Variants in LINGO2 observed in about 807,000 individuals in gnomAD.
LINGO2 encodes leucine rich repeat and Ig domain containing 2.
In LINGO2, 14 loss-of-function variants were observed where a neutral mutation model predicts 30.6. The observed-to-expected ratio is 0.46, with a 90% CI of 0.30 to 0.72. LINGO2 has a LOEUF of 0.72. Among genes scored for constraint, LINGO2 ranks in the 30% least tolerant of loss-of-function variants. The pLI, the probability that LINGO2 is intolerant of heterozygous loss-of-function variation, is 0.07. For missense variants in LINGO2, 729 were observed against 751.7 expected, an observed-to-expected ratio of 0.97 and a Z score of 0.35; for synonymous variants, 317 against 288.5, an observed-to-expected ratio of 1.10 and a Z score of -1.00.
At chr9:28,887,126 A>C in the LINGO2 span, among the ~76,000 whole-genome samples, 1 of 152,162 alleles carries the variant, frequency 6.6e-6, no homozygotes, top group Non-Finnish European at 1.5e-5. Flanking sequence ...AATGATGAAC[A>C]AAGAGCTATA....
At chr9:28,086,462 C>T (rs12551349) in intron 4 of LINGO2, among the ~76,000 whole-genome samples, 5 of 151,902 alleles carry the variant, frequency 3.3e-5, no homozygotes, top group Non-Finnish European at 7.4e-5. Context: ...CTGCAATAAG[C>T]TTTCCTCATT....
chr9:27,955,016 C>T (rs1286508929), intron 5 of LINGO2, among the ~76,000 whole-genome samples: 2 of 152,032 alleles, frequency 1.3e-5, no homozygotes, highest in Admixed American at 6.6e-5. Context: ...GTTGAGCATG[C>T]ATTTTGTTTT....
the LINGO2 span, among the ~76,000 whole-genome samples, chr9:28,716,856 C>T: frequency 1.3e-5 from 2 of 152,016 alleles, no homozygotes; most frequent in African/African-American, 4.8e-5. Flanking sequence ...TTTAAGCCAG[C>T]TATCATAAAT....
At chr9:28,236,422 C>T (rs888293991) in intron 4 of LINGO2, among the ~76,000 whole-genome samples, 6 of 152,170 alleles carry the variant, frequency 3.9e-5, no homozygotes, top group Admixed American at 1.3e-4. Context: ...CAAAGAAAAA[C>T]GCGGAATAGT....
chr9:28,847,839 T>C, the LINGO2 span, among the ~76,000 whole-genome samples: 11 of 114,992 alleles, frequency 9.6e-5, 3 homozygotes, highest in Non-Finnish European at 1.9e-4. Flanking sequence ...GTATAGTATA[T>C]ATACACATAT....
intron 4 of LINGO2, among the ~76,000 whole-genome samples, chr9:28,038,510 G>T (rs372909731): frequency 6.6e-6 from 1 of 152,020 alleles, no homozygotes; most frequent in Non-Finnish European, 1.5e-5. Flanking sequence ...CGGCTAAAAC[G>T]GTGAAACCCA....
rs552399486 is a variant in LINGO2, at chr9:28,227,639, A to G, written c.-87+67569T>C. Among the ~76,000 whole-genome samples, 875 of 152,210 alleles carry G rather than the reference A, an allele frequency of 5.7e-3. 16 individuals are homozygous for G. Among genetic ancestry groups the G allele is most frequent in the African/African-American group, 0.02 (830 of 41,566 alleles). On this transcript the variant is annotated intron_variant, in intron 4 of 5. Transcript: ENST00000379992. The stretch of plus-strand genomic sequence containing the variant: ...CACTTGAAACTCAGCAATTAAAAAA[A>G]AAAAGTATAAAATGACTCCTAAAAG...
chr9:28,861,088 A>G, the LINGO2 span, among the ~76,000 whole-genome samples: 2 of 123,162 alleles, frequency 1.6e-5, no homozygotes, highest in Non-Finnish European at 3.2e-5. Context: ...TATATAATAT[A>G]AATTATATAA....
intron 1 of LINGO2, among the ~76,000 whole-genome samples, chr9:28,557,997 G>T (rs1446857991): frequency 6.5e-5 from 8 of 122,512 alleles, no homozygotes; most frequent in Non-Finnish European, 1.3e-4. Flanking sequence ...GGACTGTGGT[G>T]GGGTGGGGGG....
chr9:28,342,997 T>C (rs1405281822), intron 3 of LINGO2, among the ~76,000 whole-genome samples: 1 of 152,150 alleles, frequency 6.6e-6, no homozygotes, highest in Admixed American at 6.6e-5. Flanking sequence ...TAGATAGTGA[T>C]TTCTAAGGGA....
intron 2 of LINGO2, among the ~76,000 whole-genome samples, chr9:28,412,196 A>AAC (rs1554718228): frequency 1.4e-5 from 2 of 147,722 alleles, no homozygotes; most frequent in Non-Finnish European, 3.0e-5. Flanking sequence ...AAAAAAAAAA[A>AAC]AAAAAAAAAC....
At chr9:28,692,568 C>T in the LINGO2 span, among the ~76,000 whole-genome samples, 1 of 152,174 alleles carries the variant, frequency 6.6e-6, no homozygotes, top group African/African-American at 2.4e-5. Flanking sequence ...TCCTTTCTAT[C>T]CAAACCTATA....
chr9:28,712,851 T>C, the LINGO2 span, among the ~76,000 whole-genome samples: 1 of 151,962 alleles, frequency 6.6e-6, no homozygotes, highest in Non-Finnish European at 1.5e-5. Flanking sequence ...CAATTCCTAA[T>C]TTTTTTTAAA....
the LINGO2 span, among the ~76,000 whole-genome samples, chr9:29,185,737 A>G: frequency 6.6e-6 from 1 of 152,182 alleles, no homozygotes; most frequent in Non-Finnish European, 1.5e-5. Context: ...TTCTCTCTCC[A>G]TGACCAGTGC....
At chr9:28,001,500 A>T (rs1454952249) in intron 5 of LINGO2, among the ~76,000 whole-genome samples, 1 of 151,830 alleles carries the variant, frequency 6.6e-6, no homozygotes, top group Non-Finnish European at 1.5e-5. Flanking sequence ...AGTGTGCAAA[A>T]TATGCTCCCA....
intron 4 of LINGO2, among the ~76,000 whole-genome samples, chr9:28,032,764 C>T (rs777624597): frequency 6.6e-6 from 1 of 152,202 alleles, no homozygotes; most frequent in Non-Finnish European, 1.5e-5. Context: ...TCCACATTTT[C>T]ACCCCATGAC....
chr9:27,968,190 ACT>A (rs930958310), intron 5 of LINGO2, among the ~76,000 whole-genome samples: 1 of 152,100 alleles, frequency 6.6e-6, no homozygotes, highest in African/African-American at 2.4e-5. Flanking sequence ...TAGTAAGGAA[ACT>A]CTGTCCAGTA....
the LINGO2 span, among the ~76,000 whole-genome samples, chr9:28,994,895 A>G: frequency 1.3e-5 from 2 of 152,244 alleles, no homozygotes; most frequent in Non-Finnish European, 2.9e-5. Flanking sequence ...CTTAAACGTT[A>G]GACCTAAAAC....
chr9:28,303,475 T>C (rs943694003), intron 3 of LINGO2, among the ~76,000 whole-genome samples: 1 of 152,074 alleles, frequency 6.6e-6, no homozygotes, highest in African/African-American at 2.4e-5. Flanking sequence ...CTGAACAACA[T>C]GTGGATTAGG....
Sources: gnomAD v4.1 joint callset for allele counts (sites outside exome capture counted in the v4.1 genomes callset) on GRCh38, gnomAD v4.1.1 for gene constraint, MANE v1.5 for transcripts, NCBI Gene and HGNC (gene_info 2026-07-23, HGNC 2026-07-21) for gene names.